WWC2: variants seen among roughly 807,000 people sequenced by gnomAD.
The protein encoded by WWC2 is protein WWC2.
WWC2 carries 101 observed loss-of-function variants against 138.5 expected under a neutral mutation model. That is an observed-to-expected ratio of 0.73 (90% CI 0.62 to 0.86). The LOEUF (loss-of-function observed/expected upper bound fraction) is 0.86. Among genes scored for constraint, WWC2 ranks in the 40% least tolerant of loss-of-function variants. The probability of loss-of-function intolerance (pLI) is 0.00; values close to 1 mark genes in which losing one functional copy is unlikely to be tolerated. For missense variants in WWC2, 1,420 were observed against 1,419.4 expected, an observed-to-expected ratio of 1.00 and a Z score of -0.01; for synonymous variants, 558 against 538.4, an observed-to-expected ratio of 1.04 and a Z score of -0.50.
intron 1 of WWC2, among the ~76,000 whole-genome samples, chr4:183,144,067 C>T (rs1035906969): frequency 6.6e-6 from 1 of 152,168 alleles, no homozygotes; most frequent in South Asian, 2.1e-4. Context: ...ATAAACTCTT[C>T]TGAGTATCTT....
chr4:183,249,782 C>G, intron 7 of WWC2, 138 bp from the exon 8 acceptor site: 1 of 633,188 alleles, frequency 1.6e-6, no homozygotes. Flanking sequence ...AAATAAGTGT[C>G]TTTTAAAATT....
intron 1 of WWC2, among the ~76,000 whole-genome samples, chr4:183,107,387 A>G (rs1743402697): frequency 6.6e-6 from 1 of 152,160 alleles, no homozygotes; most frequent in Non-Finnish European, 1.5e-5. Flanking sequence ...ACCTCAAGTG[A>G]TCTGCCTACC....
Position 183,262,605 on chromosome 4 carries a change from G to T in WWC2, c.1909+1073G>T, listed in dbSNP as rs986904333. Among the ~76,000 whole-genome samples, 22 of 152,230 alleles carry T rather than the reference G, an allele frequency of 1.4e-4. 1 individual carries two copies. Among genetic ancestry groups the T allele is most frequent in the Admixed American group, 1.2e-3 (18 of 15,292 alleles). On this transcript the variant is annotated intron_variant, in intron 11 of 22. Coordinates refer to ENST00000403733, the MANE Select transcript of WWC2 (RefSeq NM_024949.6). ...CTGTGGGAGGGCCCATGAGACATTT[G>T]TGTGGTTTGTGCGCCCTCTCCTGGG...
At chr4:183,129,044 G>A (rs942972026) in intron 1 of WWC2, among the ~76,000 whole-genome samples, 9 of 152,236 alleles carry the variant, frequency 5.9e-5, no homozygotes, top group Non-Finnish European at 1.3e-4. Context: ...CATAAGCAAA[G>A]AGTGTGACCT....
chr4:183,103,902 G>A (rs1743267877), intron 1 of WWC2, among the ~76,000 whole-genome samples: 1 of 152,110 alleles, frequency 6.6e-6, no homozygotes, highest in South Asian at 2.1e-4. Context: ...CCAAAGTGCT[G>A]GGATTACAGG....
intron 21 of WWC2, among the ~76,000 whole-genome samples, chr4:183,304,968 C>A (rs9993317): frequency 0.27 from 41,285 of 152,058 alleles, 6,071 homozygotes; most frequent in Middle Eastern, 0.43. Context: ...GGAATTTAAA[C>A]TAACTGTGGT....
Position 183,178,056 on chromosome 4 carries a change from C to G in WWC2, c.132-15543C>G, listed in dbSNP as rs200622619. Among the ~76,000 whole-genome samples, 51 of 152,280 alleles carry G rather than the reference C, an allele frequency of 3.3e-4. No individual in the cohort carries two copies. The East Asian group carries it at 9.5e-3, about 28-fold the overall frequency. On this transcript the variant is annotated intron_variant, in intron 1 of 22. Coordinates refer to ENST00000403733, the MANE Select transcript of WWC2 (RefSeq NM_024949.6). ...TCACTATAGCGTTAGGACATTTGTT[C>G]AGGTAAATCCCACAGAAATGCATTG...
In WWC2 at chr4:183,316,604, G is replaced by T. The variant is rs182131072; in HGVS notation, c.*875G>T. The T allele has an allele frequency of 6.6e-6, 1 of 152,354 alleles. No homozygotes were observed. Among genetic ancestry groups the T allele is most frequent in the East Asian group, 1.9e-4 (1 of 5,176 alleles). 9.4% of individuals were successfully genotyped at this position (152,354 alleles called of 1,614,324 possible). The stretch of plus-strand genomic sequence containing the variant: ...AAATCTAAGGATGGTGCCTAGTGGT[G>T]GCCCTGTGTTCTGAGGACAGAGAGA... On this transcript the variant is annotated 3_prime_UTR_variant, in exon 23 of 23. Transcript: ENST00000403733.
At chr4:183,261,769 C>T (rs185885669) in intron 11 of WWC2, among the ~76,000 whole-genome samples, 180 of 152,252 alleles carry the variant, frequency 1.2e-3, no homozygotes, top group Non-Finnish European at 2.0e-3. Context: ...GCTCAGTTGT[C>T]CAGAGACACT....
In WWC2 at chr4:183,289,458, A is replaced by G. The variant is rs773214592; in HGVS notation, c.3207A>G (p.Leu1069=). 25 of 1,613,216 alleles carry G rather than the reference A, an allele frequency of 1.5e-5. No individual in the cohort carries two copies. Among genetic ancestry groups the G allele is most frequent in the Non-Finnish European group, 5.9e-6 (7 of 1,179,588 alleles). Residue 1069 remains leucine (L), a synonymous_variant, in exon 21 of 23, where the codon TTA becomes TTG. Coordinates refer to ENST00000403733, the MANE Select transcript of WWC2 (RefSeq NM_024949.6). ...GCCCAGTGCGGACATCTCTAGACTTAGAACTGGACCTTCAGGCATCTCTGA... is the reference window on the plus strand; with the variant it reads ...GCCCAGTGCGGACATCTCTAGACTTGGAACTGGACCTTCAGGCATCTCTGA... ...QECPVRTSLD[L]ELDLQASLTR... is the part of the protein sequence containing the mutation.
intron 1 of WWC2, among the ~76,000 whole-genome samples, chr4:183,158,757 C>T (rs1213406622): frequency 1.3e-5 from 2 of 152,080 alleles, no homozygotes; most frequent in South Asian, 2.1e-4. Context: ...CCTGTTAAAT[C>T]ATTAGAAATA....
At chr4:183,193,553 G>T (rs1169825437) in intron 1 of WWC2, 46 bp from the exon 2 acceptor site, 2 of 1,571,284 alleles carry the variant, frequency 1.3e-6, no homozygotes, top group Non-Finnish European at 1.7e-6. Context: ...GACATATGCG[G>T]TTTGACGGAA....
At position 183,155,016 on chromosome 4, in the gene WWC2, C is replaced by T. The variant is rs575284084; in HGVS notation, c.132-38583C>T. 1.8e-4 allele frequency among the ~76,000 whole-genome samples: 28 copies of T among 152,230 alleles called. No individual in the cohort carries two copies. In the South Asian group the frequency reaches 1.9e-3, roughly 10 times the overall value. On this transcript the variant is annotated intron_variant, in intron 1 of 22. Transcript: ENST00000403733. ...GTATTATAGAATAAGCACATGCTAGCGTACCTGCAAAGCAGGAGCAATAAA... is the reference window on the plus strand; with the variant it reads ...GTATTATAGAATAAGCACATGCTAGTGTACCTGCAAAGCAGGAGCAATAAA...
At chr4:183,267,569 C>T in intron 14 of WWC2, among the ~76,000 whole-genome samples, 1 of 152,196 alleles carries the variant, frequency 6.6e-6, no homozygotes. Context: ...AGAACACACA[C>T]CTTCTTTAAA....
rs552036187 is a variant in WWC2, at chr4:183,286,285, G to C, written c.3141+226G>C. On this transcript the variant is annotated intron_variant, in intron 20 of 22. Transcript: ENST00000403733. ...TGGTGTGGAACCTGTGATGGTTAAG[G>C]CTGGAAATGCGGTTTCAGTATCTCT... 1.4e-4 allele frequency among the ~76,000 whole-genome samples: 21 copies of C among 152,266 alleles called. No homozygotes were observed. The South Asian group carries it at 4.4e-3, about 32-fold the overall frequency.
At chr4:183,130,037 C>A (rs535819809) in intron 1 of WWC2, among the ~76,000 whole-genome samples, 10 of 151,286 alleles carry the variant, frequency 6.6e-5, no homozygotes, top group Non-Finnish European at 1.5e-4. Context: ...GTATAACACT[C>A]TTCTTTATTC....
chr4:183,190,369 T>G (rs1369335387), intron 1 of WWC2, among the ~76,000 whole-genome samples: 4 of 152,234 alleles, frequency 2.6e-5, no homozygotes, highest in African/African-American at 9.6e-5. Flanking sequence ...TTGGAATACA[T>G]CTGTTAGTTC....
chr4:183,231,647 A>G (rs1457787122), intron 4 of WWC2, among the ~76,000 whole-genome samples: 3 of 152,108 alleles, frequency 2.0e-5, no homozygotes, highest in Non-Finnish European at 4.4e-5. Flanking sequence ...GTGCTACAGA[A>G]TAGGACATAG....
At chr4:183,275,460 T>C (rs1737823099) in intron 16 of WWC2, among the ~76,000 whole-genome samples, 1 of 152,172 alleles carries the variant, frequency 6.6e-6, no homozygotes, top group African/African-American at 2.4e-5. Flanking sequence ...AGATGTCCTT[T>C]ATCAGAATAA....
Sources: gnomAD v4.1 joint callset for allele counts (sites outside exome capture counted in the v4.1 genomes callset) on GRCh38, gnomAD v4.1.1 for gene constraint, MANE v1.5 for transcripts, NCBI Gene and HGNC (gene_info 2026-07-23, HGNC 2026-07-21) for gene names.